The following NLK variants were observed in gnomAD, a reference collection of about 807,000 sequenced individuals.
NLK encodes the protein nemo like kinase.
Under a neutral mutation model 59.0 loss-of-function variants are expected in NLK, and 11 were observed. The ratio of observed to expected loss-of-function variants is 0.19; its 90% confidence interval spans 0.12 to 0.31. The LOEUF (loss-of-function observed/expected upper bound fraction) is 0.31, where lower values mean the gene tolerates loss of function less well. NLK is among the 10% of genes least tolerant of loss of function. The pLI is 1.00. For missense variants in NLK, 410 were observed against 661.1 expected (o/e 0.62, Z 4.16); for synonymous variants, 235 against 235.9 (o/e 1.00, Z 0.03).
chr17:28,130,465 G>T (rs903347206), intron 2 of NLK, among the ~76,000 whole-genome samples: 4 of 152,114 alleles, frequency 2.6e-5, no homozygotes, highest in Admixed American at 2.6e-4. Context: ...TGTACCTTTT[G>T]AACTAACAAT....
At chr17:28,197,337 C>T (rs537544079), downstream of NLK, among the ~76,000 whole-genome samples, 16 of 151,958 alleles carry the variant, frequency 1.1e-4, no homozygotes, top group African/African-American at 3.1e-4. Flanking sequence ...GGCATGGTGG[C>T]GGGCGCCTAT....
At chr17:28,094,601 C>T (rs1475049517) in intron 1 of NLK, among the ~76,000 whole-genome samples, 2 of 152,098 alleles carry the variant, frequency 1.3e-5, no homozygotes, top group Non-Finnish European at 2.9e-5. Context: ...CATTGCCATC[C>T]CTAGGGGTTT....
At chr17:28,197,081 GT>G (rs1364418959), downstream of NLK, among the ~76,000 whole-genome samples, 3 of 152,008 alleles carry the variant, frequency 2.0e-5, no homozygotes. Flanking sequence ...AGAATTACTT[GT>G]CAAGAAGCCA....
At chr17:28,198,247 C>T (rs1909533108), downstream of NLK, among the ~76,000 whole-genome samples, 1 of 152,162 alleles carries the variant, frequency 6.6e-6, no homozygotes, top group South Asian at 2.1e-4. Flanking sequence ...AGTGAGCCTC[C>T]CACCTCAGCC....
intron 1 of NLK, among the ~76,000 whole-genome samples, chr17:28,056,642 C>G (rs1035588348): frequency 2.6e-5 from 4 of 152,160 alleles, no homozygotes; most frequent in Admixed American, 1.3e-4. Context: ...TCACAGACTA[C>G]AAGATTTTTG....
At chr17:28,172,671 C>A in intron 7 of NLK, 53 bp downstream of exon 7, 1 of 1,048,332 alleles carries the variant, frequency 9.5e-7, no homozygotes, top group Admixed American at 3.0e-5. Context: ...GGCAAGATTT[C>A]CCTTCCAATA....
intron 1 of NLK, among the ~76,000 whole-genome samples, chr17:28,097,961 A>C (rs192327052): frequency 2.0e-5 from 3 of 152,286 alleles, no homozygotes; most frequent in African/African-American, 7.2e-5. Context: ...CCTAGTTGAC[A>C]AAAGTTTGTT....
intron 7 of NLK, among the ~76,000 whole-genome samples, chr17:28,175,227 C>T (rs1488196829): frequency 6.6e-6 from 1 of 151,270 alleles, no homozygotes; most frequent in African/African-American, 2.4e-5. Context: ...AGGCGGATCA[C>T]GAGGTCAGGA....
intron 1 of NLK, among the ~76,000 whole-genome samples, chr17:28,055,393 A>ATT (rs531781657): frequency 6.9e-6 from 1 of 144,894 alleles, no homozygotes; most frequent in African/African-American, 2.5e-5. Flanking sequence ...GCCAGGTTGG[A>ATT]TTTTTTTTTT....
rs1909425264 is a variant in NLK, at chr17:28,194,765, C to T, written c.*129C>T. 2.0e-6 allele frequency: 1 copy of T among 489,188 alleles called. No homozygotes were observed. Among genetic ancestry groups the T allele is most frequent in the Non-Finnish European group, 3.7e-6 (1 of 270,134 alleles). 30.3% of individuals were successfully genotyped at this position (489,188 alleles called of 1,614,324 possible). A position where few individuals can be genotyped will look rare whatever the true frequency, so the allele number is the denominator to read the frequency against. On this transcript the variant is annotated 3_prime_UTR_variant, in exon 11 of 11. Coordinates refer to ENST00000407008, the MANE Select transcript of NLK (RefSeq NM_016231.5). ...TGAAGTTTTAAATTAACAACCACTA[C>T]TTGTATGATATGAATAATATTTAGA...
At chr17:28,147,510 C>T (rs913970231) in intron 3 of NLK, among the ~76,000 whole-genome samples, 2 of 152,118 alleles carry the variant, frequency 1.3e-5, no homozygotes, top group Non-Finnish European at 1.5e-5. Context: ...TACAGATCTG[C>T]TTTAATTGGA....
Position 28,084,567 on chromosome 17 carries a change from T to C in NLK, c.459-38036T>C, listed in dbSNP as rs542324747. Among the ~76,000 whole-genome samples the C allele has an allele frequency of 1.6e-4, 25 of 152,130 alleles. 1 individual carries two copies. In the East Asian group the frequency reaches 4.6e-3, roughly 28 times the overall value. The stretch of plus-strand genomic sequence containing the variant: ...GCTGTACATTCTGTCCCACTACCTT[T>C]TCTTTTTTTTTTTCGAGATGGAGTC... On this transcript the variant is annotated intron_variant, in intron 1 of 10. Transcript: ENST00000407008.
intron 3 of NLK, among the ~76,000 whole-genome samples, chr17:28,135,917 G>A (rs1246985249): frequency 6.6e-6 from 1 of 152,114 alleles, no homozygotes; most frequent in African/African-American, 2.4e-5. Context: ...ATTGAGTCTA[G>A]GAGATCTTTG....
rs776176982 is a variant in NLK at position 28,194,672 on chromosome 17, A to G, written c.*36A>G. 1.3e-5 allele frequency: 19 copies of G among 1,479,656 alleles called. No homozygotes were observed. Among genetic ancestry groups the G allele is most frequent in the South Asian group, 1.2e-5 (1 of 81,132 alleles). 91.7% of individuals were successfully genotyped at this position (1,479,656 alleles called of 1,614,324 possible). On this transcript the variant is annotated 3_prime_UTR_variant, in exon 11 of 11. Transcript: ENST00000407008. ...TAATGTACTACTGAAGATGTAATGT[A>G]GCTTTCCACTGGAGTCTGGGATTTG...
chr17:28,122,564 T>C, intron 1 of NLK, 39 bp from the exon 2 acceptor site: 1 of 1,610,032 alleles, frequency 6.2e-7, no homozygotes, highest in Non-Finnish European at 8.5e-7. Flanking sequence ...CTGATTTCTC[T>C]GTCTTTTTTT....
intron 8 of NLK, among the ~76,000 whole-genome samples, chr17:28,190,372 C>A (rs1051137185): frequency 6.6e-6 from 1 of 152,110 alleles, no homozygotes; most frequent in Non-Finnish European, 1.5e-5. Flanking sequence ...GCAGTCCCAG[C>A]ACTTCAGGAG....
At chr17:28,049,526 T>A (rs1471018788) in intron 1 of NLK, among the ~76,000 whole-genome samples, 1 of 152,202 alleles carries the variant, frequency 6.6e-6, no homozygotes, top group Non-Finnish European at 1.5e-5. Flanking sequence ...TGTATTGTGC[T>A]TAGTACTGAG....
intron 1 of NLK, among the ~76,000 whole-genome samples, chr17:28,056,597 C>A (rs1909453318): frequency 6.6e-6 from 1 of 152,180 alleles, no homozygotes; most frequent in Non-Finnish European, 1.5e-5. Context: ...TTTGTGTGGG[C>A]CAGTGACTCT....
intron 1 of NLK, among the ~76,000 whole-genome samples, chr17:28,067,417 G>A (rs1036477851): frequency 1.3e-5 from 2 of 151,794 alleles, no homozygotes; most frequent in Non-Finnish European, 2.9e-5. Context: ...CTTTCATGGA[G>A]TCAAATTTGC....
Sources: allele counts gnomAD v4.1 joint callset (sites outside exome capture counted in the v4.1 genomes callset), GRCh38; gene constraint gnomAD v4.1.1; transcripts MANE v1.5; gene names NCBI Gene and HGNC (gene_info 2026-07-23, HGNC 2026-07-21).